PCDHGC4: variants seen among roughly 807,000 people sequenced by gnomAD.
PCDHGC4 encodes the protein protocadherin gamma-C4.
Under a neutral mutation model 59.7 loss-of-function variants are expected in PCDHGC4, and 15 were observed. The ratio of observed to expected loss-of-function variants is 0.25; its 90% CI spans 0.17 to 0.39. The LOEUF is 0.39. Ranked by LOEUF, PCDHGC4 falls within the 10% of genes least tolerant of loss-of-function variation. The pLI is 1.00. For missense variants in PCDHGC4, 1,016 were observed against 1,189.5 expected, an observed-to-expected ratio of 0.85 and a Z score of 2.15; for synonymous variants, 434 against 481.4, an observed-to-expected ratio of 0.90 and a Z score of 1.29.
Position 141,489,730 on chromosome 5 carries a change from A to G in PCDHGC4, c.2442+2115A>G. The stretch of plus-strand genomic sequence containing the variant: ...CAGTGCCCAGGATCCGGATGTGGGC[A>G]CCAATACTGTGAGCTTTTACACTCT... On this transcript the variant is annotated intron_variant, in intron 1 of 3. Coordinates refer to ENST00000306593, the MANE Select transcript of PCDHGC4 (RefSeq NM_018928.3). This position sits in a 1 kb window ranked among gnomAD's most constrained non-coding sequence, Gnocchi z 4.5. 6.2e-7 allele frequency: 1 copy of G among 1,614,182 alleles called. No homozygotes were observed. Among genetic ancestry groups the G allele is most frequent in the Non-Finnish European group, 8.5e-7 (1 of 1,180,020 alleles).
Position 141,490,109 on chromosome 5 carries a change from G to A in PCDHGC4, c.2442+2494G>A, listed in dbSNP as rs775286436. The A allele has an allele frequency of 3.4e-5, 55 of 1,614,114 alleles. No homozygotes were observed. Among genetic ancestry groups the A allele is most frequent in the African/African-American group, 8.0e-5 (6 of 74,940 alleles). ...GGAGACCACACATCTGAGGCAGTGC[G>A]GAACCTCTTTGGCCTAGACCCTAGC... On this transcript the variant is annotated intron_variant, in intron 1 of 3. Coordinates refer to ENST00000306593, the MANE Select transcript of PCDHGC4 (RefSeq NM_018928.3). This position sits in a 1 kb window ranked among gnomAD's most constrained non-coding sequence, Gnocchi z 5.4.
chr5:141,496,589 G>A (rs914585858), intron 2 of PCDHGC4, among the ~76,000 whole-genome samples: 7 of 152,124 alleles, frequency 4.6e-5, no homozygotes, highest in Admixed American at 6.5e-5. Flanking sequence ...AACGCAAAGC[G>A]CTTCTTAGAA....
intron 2 of PCDHGC4, among the ~76,000 whole-genome samples, chr5:141,505,180 A>G (rs1435197883): frequency 6.6e-6 from 1 of 152,200 alleles, no homozygotes; most frequent in Non-Finnish European, 1.5e-5. Context: ...AGAAAAAAGC[A>G]TCGGAGGCAG....
At chr5:141,495,269 CGGAGGAGGCG>C (rs2099759953) in intron 2 of PCDHGC4, among the ~76,000 whole-genome samples, 1 of 152,180 alleles carries the variant, frequency 6.6e-6, no homozygotes, top group Non-Finnish European at 1.5e-5. Context: ...AGCATTTGAC[CGGAGGAGGCG>C]GTCCGCACTC....
rs2099687792 is a variant in PCDHGC4, at chr5:141,489,485, G to GT, written c.2442+1871dup. Reference sequence around the variant, plus strand: ...TATTTTTCCCTGAGCTTGATGAGTGGTGCCCTGGCAGTGAATCAAAAGATT... The same window carrying GT: ...TATTTTTCCCTGAGCTTGATGAGTGGTTGCCCTGGCAGTGAATCAAAAGATT... On this transcript the variant is annotated intron_variant, in intron 1 of 3. Coordinates refer to ENST00000306593, the MANE Select transcript of PCDHGC4 (RefSeq NM_018928.3). This position sits in a 1 kb window ranked among gnomAD's most constrained non-coding sequence, Gnocchi z 4.5. The GT allele has an allele frequency of 6.2e-7, 1 of 1,614,088 alleles. No individual in the cohort carries two copies. The highest frequency in any genetic ancestry group is 2.2e-5 in the East Asian group (1 of 44,868).
rs535194185 is a variant in PCDHGC4, at chr5:141,485,480, A to C, written c.307A>C (p.Ile103Leu). 6.2e-7 allele frequency: 1 copy of C among 1,614,154 alleles called. No individual in the cohort carries two copies. The highest frequency in any genetic ancestry group is 1.7e-5 in the Admixed American group (1 of 60,020). Residue 103 changes from isoleucine to leucine, a missense_variant, in exon 1 of 4, where the codon ATC becomes CTC. By Grantham distance (5) the Ile-to-Leu change is conservative (BLOSUM62 2). Coordinates refer to ENST00000306593, the MANE Select transcript of PCDHGC4 (RefSeq NM_018928.3). This position sits in a 1 kb window ranked among gnomAD's most constrained non-coding sequence, Gnocchi z 5.7. The stretch of plus-strand genomic sequence containing the variant: ...ACTGTGTGGGCTCAGTGCCAGCTGC[A>C]TCGTGCCCCTGGAGTTTGTCACCGA... ...EALCGLSASC[I>L]VPLEFVTEGP...
At chr5:141,506,863 G>A (rs1162975959) in intron 3 of PCDHGC4, among the ~76,000 whole-genome samples, 1 of 152,120 alleles carries the variant, frequency 6.6e-6, no homozygotes, top group Non-Finnish European at 1.5e-5. Context: ...GAGGACTGGT[G>A]GGTAGAGAAC....
chr5:141,501,130 G>C (rs528942194), intron 2 of PCDHGC4, among the ~76,000 whole-genome samples: 1 of 152,218 alleles, frequency 6.6e-6, no homozygotes, highest in South Asian at 2.1e-4. Flanking sequence ...GCCTCCCTAA[G>C]TGCTGGGATT....
At chr5:141,508,267 C>G (rs993402135) in intron 3 of PCDHGC4, 5 of 152,336 alleles carry the variant, frequency 3.3e-5, no homozygotes, top group African/African-American at 9.6e-5. Context: ...AAGAGAAAAT[C>G]CCGGTCCTTG....
Position 141,489,092 on chromosome 5 carries a change from A to AATT in PCDHGC4, c.2442+1478_2442+1479insTTA. 2.9e-6 allele frequency: 1 copy of AATT among 348,332 alleles called. No individual in the cohort carries two copies. Among genetic ancestry groups the AATT allele is most frequent in the Non-Finnish European group, 4.7e-6 (1 of 214,538 alleles). 21.6% of individuals were successfully genotyped at this position (348,332 alleles called of 1,614,324 possible). A position where few individuals can be genotyped will look rare whatever the true frequency, so the allele number is the denominator to read the frequency against. On this transcript the variant is annotated intron_variant, in intron 1 of 3. Transcript: ENST00000306593. This position sits in a 1 kb window ranked among gnomAD's most constrained non-coding sequence, Gnocchi z 4.5. Reference sequence around the variant, plus strand: ...TGCCCACCCCCGCCACTCGGTGACTAAGAACTGCTGCAAGCAGGCAAACCT... The same window carrying AATT: ...TGCCCACCCCCGCCACTCGGTGACTAATTAGAACTGCTGCAAGCAGGCAAACCT...
Position 141,490,241 on chromosome 5 carries a change from G to T in PCDHGC4, c.2442+2626G>T. 2 of 1,614,246 alleles carry T rather than the reference G, an allele frequency of 1.2e-6. No individual in the cohort carries two copies. Among genetic ancestry groups the T allele is most frequent in the Non-Finnish European group, 1.7e-6 (2 of 1,180,048 alleles). On this transcript the variant is annotated intron_variant, in intron 1 of 3. Transcript: ENST00000306593. This position sits in a 1 kb window ranked among gnomAD's most constrained non-coding sequence, Gnocchi z 5.4. Reference sequence around the variant, plus strand: ...GGACAGCCTGCCATGGAGGGCCACTGTGTGATTCAAGTGGATGTGGGGGAT... The same window carrying T: ...GGACAGCCTGCCATGGAGGGCCACTTTGTGATTCAAGTGGATGTGGGGGAT...
At chr5:141,505,123 C>T (rs1320836386) in intron 2 of PCDHGC4, among the ~76,000 whole-genome samples, 1 of 152,192 alleles carries the variant, frequency 6.6e-6, no homozygotes, top group African/African-American at 2.4e-5. Flanking sequence ...GATCGCGCCA[C>T]TGCACTCCAG....
In PCDHGC4 at chr5:141,489,515, G is replaced by A. The variant is rs983415025; in HGVS notation, c.2442+1900G>A. On this transcript the variant is annotated intron_variant, in intron 1 of 3. Coordinates refer to ENST00000306593, the MANE Select transcript of PCDHGC4 (RefSeq NM_018928.3). The surrounding 1 kb of genome is among the most constrained non-coding windows in gnomAD (Gnocchi z 4.5). ...CTGGCAGTGAATCAAAAGATTGACC[G>A]AGAAAGCCTATGTGGAGCCAGCACC... 2 of 1,614,104 alleles carry A rather than the reference G, an allele frequency of 1.2e-6. No homozygotes were observed. Among genetic ancestry groups the A allele is most frequent in the Non-Finnish European group, 8.5e-7 (1 of 1,180,034 alleles).
At chr5:141,507,286 TC>T in intron 3 of PCDHGC4, 1 of 149,886 alleles carries the variant, frequency 6.7e-6, no homozygotes, top group East Asian at 1.9e-4. Context: ...TAAGTCAGTC[TC>T]AAATGTTGCA....
chr5:141,501,290 TACACACACAC>T (rs55762287), intron 2 of PCDHGC4, among the ~76,000 whole-genome samples: 44 of 136,248 alleles, frequency 3.2e-4, no homozygotes, highest in Admixed American at 7.8e-4. Context: ...TATTCCCTTA[TACACACACAC>T]ACACACACAC....
At chr5:141,498,231 A>T (rs1213697084) in intron 2 of PCDHGC4, among the ~76,000 whole-genome samples, 1 of 152,268 alleles carries the variant, frequency 6.6e-6, no homozygotes, top group East Asian at 1.9e-4. Flanking sequence ...ATGGTCAGGC[A>T]TACCAGCTTC....
chr5:141,485,958 T>C lies in PCDHGC4; in HGVS notation c.785T>C (p.Ile262Thr). The change falls in exon 1 of 4, where the codon ATC (isoleucine) becomes ACC (threonine). Residue 262 changes from isoleucine (I) to threonine (T), a missense_variant. By Grantham distance (89) the Ile-to-Thr change is moderately conservative. Transcript: ENST00000306593. The surrounding 1 kb of genome is among the most constrained non-coding windows in gnomAD (Gnocchi z 5.7). ...AGCGCACCAGCGGGCATGGTGCTCATCCAGCTCAATGCCTCAGACCCGGAC... is the reference window on the plus strand; with the variant it reads ...AGCGCACCAGCGGGCATGGTGCTCACCCAGCTCAATGCCTCAGACCCGGAC... ...LESAPAGMVL[I>T]QLNASDPDLG... is the part of the protein sequence containing the mutation. 1 of 1,614,190 alleles carries C rather than the reference T, an allele frequency of 6.2e-7. No individual in the cohort carries two copies. The highest frequency in any genetic ancestry group is 8.5e-7 in the Non-Finnish European group (1 of 1,180,032).
In PCDHGC4 at chr5:141,490,462, ACCAG is replaced by A; in HGVS notation, c.2442+2854_2442+2857del. On this transcript the variant is annotated intron_variant, in intron 1 of 3. Coordinates refer to ENST00000306593, the MANE Select transcript of PCDHGC4 (RefSeq NM_018928.3). The surrounding 1 kb of genome is among the most constrained non-coding windows in gnomAD (Gnocchi z 5.4). ...TTCTGAGAACCACTACTCGCTGCTA[ACCAG>A]CCAGCCTTTGGACCGGGAGGCCACA... 1 of 1,614,198 alleles carries A rather than the reference ACCAG, an allele frequency of 6.2e-7. No homozygotes were observed.
At position 141,486,004 on chromosome 5, in the gene PCDHGC4, C is replaced by T; in HGVS notation, c.831C>T (p.Val277=). The T allele has an allele frequency of 6.2e-7, 1 of 1,614,184 alleles. No homozygotes were observed. The highest frequency in any genetic ancestry group is 8.5e-7 in the Non-Finnish European group (1 of 1,180,008). The stretch of plus-strand genomic sequence containing the variant: ...CGGACCTGGGTCCCAGTGGTAACGT[C>T]ACCTTTTATTTCAGTGGTCATACCC... ...SDPDLGPSGN[V]TFYFSGHTPD... Residue 277 remains valine (V), a synonymous_variant, in exon 1 of 4, where the codon GTC becomes GTT. Coordinates refer to ENST00000306593, the MANE Select transcript of PCDHGC4 (RefSeq NM_018928.3). This position sits in a 1 kb window ranked among gnomAD's most constrained non-coding sequence, Gnocchi z 5.0.
Sources: gnomAD v4.1 joint callset for allele counts (sites outside exome capture counted in the v4.1 genomes callset) on GRCh38, gnomAD v4.1.1 for gene constraint, Gnocchi (gnomAD v3.1) non-coding constraint, MANE v1.5 for transcripts, NCBI Gene and HGNC (gene_info 2026-07-23, HGNC 2026-07-21) for gene names.